ERCC6: variants seen among roughly 807,000 people sequenced by gnomAD.
The protein encoded by ERCC6 is DNA excision repair protein ERCC-6.
Under a neutral mutation model 158.7 loss-of-function variants are expected in ERCC6, and 116 were observed. The ratio of observed to expected loss-of-function variants is 0.73; its 90% CI spans 0.63 to 0.85. The LOEUF (loss-of-function observed/expected upper bound fraction) is 0.85, where lower values mean the gene tolerates loss of function less well. ERCC6 is among the 40% of genes least tolerant of loss of function. The pLI, the probability that ERCC6 is intolerant of heterozygous loss-of-function variation, is 0.00. For synonymous variants in ERCC6, 678 were observed against 659.3 expected, an observed-to-expected ratio of 1.03 and a Z score of -0.43; for missense variants, 1,698 against 1,799.4, an observed-to-expected ratio of 0.94 and a Z score of 1.02.
intron 9 of ERCC6, 138 bp downstream of exon 9, chr10:49,483,208 G>A: frequency 1.1e-6 from 1 of 928,022 alleles, no homozygotes. Context: ...TCTGCATTAA[G>A]GAAAATGCAC....
chr10:49,521,644 TATGAAAA>T (rs1284564471), intron 5 of ERCC6, among the ~76,000 whole-genome samples: 1 of 152,074 alleles, frequency 6.6e-6, no homozygotes, highest in Non-Finnish European at 1.5e-5. Flanking sequence ...CATGAAAGGG[TATGAAAA>T]CCAGGGAACC....
rs370067221 is a variant in ERCC6 at position 49,458,775 on chromosome 10, G to A, written c.*40C>T. On this transcript the variant is annotated 3_prime_UTR_variant, in exon 21 of 21. Transcript: ENST00000355832. ...AATAAATTAATAATCAGAAATGCCC[G>A]TTAGAAAAAGGGACTTGAAAGTTTA... The A allele has an allele frequency of 5.6e-6, 9 of 1,595,632 alleles. No individual in the cohort carries two copies. The highest frequency in any genetic ancestry group is 2.7e-5 in the African/African-American group (2 of 74,538).
the ERCC6 span, among the ~76,000 whole-genome samples, chr10:49,446,258 C>CA: frequency 0.28 from 21,072 of 76,506 alleles, 1,902 homozygotes; most frequent in East Asian, 0.52. Context: ...CACACACACA[C>CA]CCCCCAATTT....
intron 10 of ERCC6, among the ~76,000 whole-genome samples, chr10:49,481,730 T>C (rs1007520997): frequency 6.6e-6 from 1 of 152,224 alleles, no homozygotes; most frequent in African/African-American, 2.4e-5. Flanking sequence ...CAGGAGTCAG[T>C]CAGTCATTCA....
chr10:49,507,894 T>C (rs1481486641), intron 5 of ERCC6, among the ~76,000 whole-genome samples: 1 of 151,924 alleles, frequency 6.6e-6, no homozygotes, highest in Non-Finnish European at 1.5e-5. Context: ...TAGGTATCCC[T>C]TACTATCAAA....
At position 49,532,785 on chromosome 10, in the gene ERCC6, C is replaced by T; in HGVS notation, c.180G>A (p.Gly60=). Residue 60 remains glycine (G), a synonymous_variant, in exon 2 of 21, where the codon GGG becomes GGA. Transcript: ENST00000355832. Reference sequence around the variant, plus strand: ...CTCTCCTCGGAGCTGCTGATGCGCACCCCACAGCAGAGGTGGACAGCCCGT... The same window carrying T: ...CTCTCCTCGGAGCTGCTGATGCGCATCCCACAGCAGAGGTGGACAGCCCGT... ...VGDGLSTSAV[G]CASAAPRRGP... The T allele has an allele frequency of 6.2e-7, 1 of 1,614,238 alleles. No individual in the cohort carries two copies. The highest frequency in any genetic ancestry group is 8.5e-7 in the Non-Finnish European group (1 of 1,180,046).
At chr10:49,480,666 T>A (rs1367283062) in intron 10 of ERCC6, among the ~76,000 whole-genome samples, 2 of 152,236 alleles carry the variant, frequency 1.3e-5, no homozygotes, top group Admixed American at 1.3e-4. Flanking sequence ...TCACAGAGTT[T>A]AGATCTGGCC....
At chr10:49,482,630 T>C in intron 10 of ERCC6, 57 bp downstream of exon 10, 1 of 1,517,710 alleles carries the variant, frequency 6.6e-7, no homozygotes, top group Non-Finnish European at 9.1e-7. Context: ...TTATAGTATT[T>C]AATAGGAGCA....
intron 8 of ERCC6, 146 bp from the exon 9 acceptor site, chr10:49,483,662 C>G: frequency 3.6e-6 from 3 of 826,752 alleles, no homozygotes; most frequent in Non-Finnish European, 5.9e-6. Context: ...TGGAAGTGTA[C>G]TTGTTAACCT....
At chr10:49,445,317 C>A in the ERCC6 span, among the ~76,000 whole-genome samples, 1 of 152,154 alleles carries the variant, frequency 6.6e-6, no homozygotes, top group Middle Eastern at 3.4e-3. Context: ...CTGGCAAATG[C>A]GGGGCTAGAG....
At chr10:49,470,107 G>A in intron 18 of ERCC6, 75 bp downstream of exon 18, 1 of 1,327,068 alleles carries the variant, frequency 7.5e-7, no homozygotes. Flanking sequence ...ATCAGTTAAA[G>A]ACTGCTACTG....
At chr10:49,522,044 T>A (rs1317959457) in intron 5 of ERCC6, among the ~76,000 whole-genome samples, 3 of 152,146 alleles carry the variant, frequency 2.0e-5, no homozygotes, top group Non-Finnish European at 2.9e-5. Flanking sequence ...CAGTAAAAGG[T>A]GTTAAGTTCA....
the ERCC6 span, among the ~76,000 whole-genome samples, chr10:49,438,769 T>C: frequency 1.3e-5 from 2 of 152,252 alleles, no homozygotes; most frequent in African/African-American, 4.8e-5. Flanking sequence ...CTACATAGAA[T>C]GGAGGTACAG....
chr10:49,524,887 A>G (rs1030499451), intron 4 of ERCC6, 110 bp from the exon 5 acceptor site: 3 of 1,540,218 alleles, frequency 1.9e-6, no homozygotes, highest in Admixed American at 3.9e-5. Context: ...AACTCATATA[A>G]AAAAAGAATC....
At chr10:49,500,719 GA>G in intron 6 of ERCC6, 23 bp from the exon 7 acceptor site, 2 of 1,612,312 alleles carry the variant, frequency 1.2e-6, no homozygotes, top group Non-Finnish European at 1.7e-6. Context: ...ACACCAACAA[GA>G]AAAGAGAAAA....
intron 6 of ERCC6, chr10:49,503,912 T>C (rs1474334102): frequency 6.6e-6 from 1 of 152,168 alleles, no homozygotes; most frequent in African/African-American, 2.4e-5. Flanking sequence ...CAAGATTGCA[T>C]TTACTAGTGT....
At position 49,454,999 on chromosome 10, in the gene ERCC6, T is replaced by C. The variant is rs1416123427; in HGVS notation, c.*3816A>G. On this transcript the variant is annotated 3_prime_UTR_variant, in exon 21 of 21. Coordinates refer to ENST00000355832, the MANE Select transcript of ERCC6 (RefSeq NM_000124.4). Reference sequence around the variant, plus strand: ...ATATGGGATTAATAATTCATAAGAATGTATTCATGACCCTAGCTAGGGAAT... The same window carrying C: ...ATATGGGATTAATAATTCATAAGAACGTATTCATGACCCTAGCTAGGGAAT... 6.6e-6 allele frequency among the ~76,000 whole-genome samples: 1 copy of C among 152,110 alleles called. No individual in the cohort carries two copies. Among genetic ancestry groups the C allele is most frequent in the African/African-American group, 2.4e-5 (1 of 41,424 alleles).
At chr10:49,452,061 CA>C (rs1850426933), downstream of ERCC6, among the ~76,000 whole-genome samples, 2 of 151,836 alleles carry the variant, frequency 1.3e-5, no homozygotes, top group South Asian at 4.2e-4. Flanking sequence ...TTCAAATTAC[CA>C]GTTTCTAGTA....
chr10:49,516,461 T>C lies in ERCC6; in HGVS notation c.1397+7572A>G, dbSNP rs1313817280. 5 of 1,614,056 alleles carry C rather than the reference T, an allele frequency of 3.1e-6. No homozygotes were observed. The Admixed American group carries it at 8.3e-5, about 27-fold the overall frequency. On this transcript the variant is annotated intron_variant, in intron 5 of 20. Coordinates refer to ENST00000355832, the MANE Select transcript of ERCC6 (RefSeq NM_000124.4). The stretch of plus-strand genomic sequence containing the variant: ...AAAATATAGTTTCAAACCGGTCACG[T>C]CTCATGGCAGCACTAACCAGTACAT...
Sources: gnomAD v4.1 joint callset for allele counts (sites outside exome capture counted in the v4.1 genomes callset) on GRCh38, gnomAD v4.1.1 for gene constraint, MANE v1.5 for transcripts, NCBI Gene and HGNC (gene_info 2026-07-23, HGNC 2026-07-21) for gene names.